KHDRBS2: variants seen among roughly 807,000 people sequenced by gnomAD.
KHDRBS2 encodes KH domain-containing, RNA-binding, signal transduction-associated protein 2.
KHDRBS2 carries 26 observed loss-of-function variants against 44.3 expected under a neutral mutation model. The ratio of observed to expected loss-of-function variants is 0.59; its 90% CI spans 0.43 to 0.81. The LOEUF (loss-of-function observed/expected upper bound fraction) is 0.81, where lower values mean the gene tolerates loss of function less well. KHDRBS2 is among the 40% of genes least tolerant of loss of function. KHDRBS2 has a pLI of 0.00. For synonymous variants in KHDRBS2, 194 were observed against 151.1 expected, an observed-to-expected ratio of 1.28 and a Z score of -2.08; for missense variants, 476 against 433.1, an observed-to-expected ratio of 1.10 and a Z score of -0.88.
chr6:61,818,014 A>C (rs1175535239), intron 6 of KHDRBS2, among the ~76,000 whole-genome samples: 1 of 151,958 alleles, frequency 6.6e-6, no homozygotes, highest in African/African-American at 2.4e-5. Flanking sequence ...CATTGTCCAC[A>C]TCTCCCGTCT....
chr6:62,229,090 T>G (rs1162780059), intron 1 of KHDRBS2, among the ~76,000 whole-genome samples: 2 of 152,270 alleles, frequency 1.3e-5, no homozygotes, highest in East Asian at 3.9e-4. Context: ...CCTGAATTCC[T>G]CAGAATTAGC....
intron 1 of KHDRBS2, among the ~76,000 whole-genome samples, chr6:62,209,108 A>G (rs188880626): frequency 6.6e-6 from 1 of 152,350 alleles, no homozygotes; most frequent in East Asian, 1.9e-4. Flanking sequence ...CATATCTGAT[A>G]AAGGTTAATA....
At chr6:61,675,906 T>A (rs1262925921), downstream of KHDRBS2, among the ~76,000 whole-genome samples, 1 of 151,780 alleles carries the variant, frequency 6.6e-6, no homozygotes, top group Non-Finnish European at 1.5e-5. Flanking sequence ...CGCATACAGA[T>A]AACTTTAAAA....
chr6:61,548,291 T>A, the KHDRBS2 span, among the ~76,000 whole-genome samples: 1 of 152,074 alleles, frequency 6.6e-6, no homozygotes, highest in Non-Finnish European at 1.5e-5. Context: ...TTATGAGGGC[T>A]ATATATATAG....
the KHDRBS2 span, among the ~76,000 whole-genome samples, chr6:61,604,940 T>C: frequency 6.6e-6 from 1 of 152,088 alleles, no homozygotes; most frequent in Middle Eastern, 3.2e-3. Context: ...ATTAGTCAAA[T>C]CACCCAAGCA....
At chr6:62,267,906 C>T (rs1182894092) in intron 1 of KHDRBS2, among the ~76,000 whole-genome samples, 3 of 151,958 alleles carry the variant, frequency 2.0e-5, no homozygotes, top group Admixed American at 6.6e-5. Context: ...TTGTTCAATA[C>T]TATGAAATTG....
chr6:62,219,673 A>G (rs899391856), intron 1 of KHDRBS2, among the ~76,000 whole-genome samples: 1 of 151,026 alleles, frequency 6.6e-6, no homozygotes, highest in Non-Finnish European at 1.5e-5. Flanking sequence ...CTTAAGAGTA[A>G]TAATGCACTA....
intron 4 of KHDRBS2, among the ~76,000 whole-genome samples, chr6:61,920,824 T>C (rs996116188): frequency 1.3e-5 from 2 of 151,748 alleles, no homozygotes; most frequent in African/African-American, 2.4e-5. Context: ...TAAAACAAAA[T>C]ACTGACTCAA....
At chr6:61,816,356 C>G (rs1788929548) in intron 6 of KHDRBS2, among the ~76,000 whole-genome samples, 1 of 151,912 alleles carries the variant, frequency 6.6e-6, no homozygotes, top group Non-Finnish European at 1.5e-5. Flanking sequence ...TGGCTGGTGT[C>G]CTAATATGAA....
intron 1 of KHDRBS2, among the ~76,000 whole-genome samples, chr6:62,187,414 T>C (rs1388936083): frequency 6.6e-6 from 1 of 152,072 alleles, no homozygotes; most frequent in Non-Finnish European, 1.5e-5. Context: ...AACTGAACAC[T>C]GTGGTGAAGC....
chr6:61,954,131 AG>A (rs1167257199), intron 4 of KHDRBS2, among the ~76,000 whole-genome samples: 2 of 152,108 alleles, frequency 1.3e-5, no homozygotes, highest in African/African-American at 2.4e-5. Flanking sequence ...CATAACACTG[AG>A]AAATATGCTT....
chr6:61,607,545 A>AAAAAAAAAAT, the KHDRBS2 span, among the ~76,000 whole-genome samples: 2 of 147,570 alleles, frequency 1.4e-5, no homozygotes, highest in African/African-American at 2.5e-5. Flanking sequence ...AAAAAAAAAA[A>AAAAAAAAAAT]GATGTGTGAG....
the KHDRBS2 span, among the ~76,000 whole-genome samples, chr6:61,589,506 A>G: frequency 6.6e-6 from 1 of 152,182 alleles, no homozygotes; most frequent in African/African-American, 2.4e-5. Context: ...AGTTCAAGTA[A>G]CATTTTCTTT....
At chr6:62,067,126 C>T (rs560093186) in intron 2 of KHDRBS2, among the ~76,000 whole-genome samples, 5 of 151,512 alleles carry the variant, frequency 3.3e-5, no homozygotes, top group African/African-American at 1.2e-4. Flanking sequence ...GGGGACTGAG[C>T]AGATTACTTA....
At chr6:61,733,176 C>T (rs1246533387) in intron 6 of KHDRBS2, among the ~76,000 whole-genome samples, 1 of 151,878 alleles carries the variant, frequency 6.6e-6, no homozygotes, top group Non-Finnish European at 1.5e-5. Flanking sequence ...AAGATAGAAA[C>T]TATAAACTAC....
chr6:61,562,213 T>C, the KHDRBS2 span, among the ~76,000 whole-genome samples: 4 of 152,334 alleles, frequency 2.6e-5, no homozygotes, highest in Admixed American at 6.5e-5. Context: ...GAAGATGTGA[T>C]GTTTATCCTA....
chr6:62,157,472 G>A (rs1277689005), intron 2 of KHDRBS2, among the ~76,000 whole-genome samples: 3 of 152,110 alleles, frequency 2.0e-5, no homozygotes, highest in Admixed American at 1.3e-4. Flanking sequence ...TAGTTAGCAC[G>A]TGGAATTAAA....
intron 2 of KHDRBS2, among the ~76,000 whole-genome samples, chr6:62,050,900 T>A (rs1788875263): frequency 6.6e-6 from 1 of 152,044 alleles, no homozygotes; most frequent in Non-Finnish European, 1.5e-5. Flanking sequence ...CAAGTGCTCA[T>A]CCTAGAAGTA....
chr6:62,125,452 A>C (rs1808738303), intron 2 of KHDRBS2, among the ~76,000 whole-genome samples: 1 of 152,110 alleles, frequency 6.6e-6, no homozygotes, highest in African/African-American at 2.4e-5. Flanking sequence ...GCAAGTCTTG[A>C]TGCTATGTTG....
Sources: allele counts gnomAD v4.1 joint callset (sites outside exome capture counted in the v4.1 genomes callset), GRCh38; gene constraint gnomAD v4.1.1; transcripts MANE v1.5; gene names NCBI Gene and HGNC (gene_info 2026-07-23, HGNC 2026-07-21).